Variants in GTF3C4 observed in about 807,000 individuals in gnomAD.
The protein encoded by GTF3C4 is general transcription factor IIIC subunit 4.
A neutral mutation model predicts 67.5 loss-of-function variants in GTF3C4; 28 were observed. That is an observed-to-expected ratio of 0.41 (90% CI 0.31 to 0.57). The LOEUF is 0.57. Among genes scored for constraint, GTF3C4 ranks in the 20% least tolerant of loss-of-function variants. GTF3C4 has a pLI of 0.21. For synonymous variants in GTF3C4, 409 were observed against 393.0 expected (o/e 1.04, Z -0.48); for missense variants, 831 against 1,033.2 (o/e 0.80, Z 2.68).
intron 2 of GTF3C4, among the ~76,000 whole-genome samples, chr9:132,682,441 C>T (rs1027704326): frequency 1.3e-5 from 2 of 150,982 alleles, no homozygotes; most frequent in African/African-American, 4.9e-5. Flanking sequence ...GAAATGGATT[C>T]GAAACTAGAA....
At position 132,692,563 on chromosome 9, in the gene GTF3C4, GCAGA is replaced by G. The variant is rs1325431268; in HGVS notation, c.*3621_*3624del. 6.6e-6 allele frequency: 1 copy of G among 152,176 alleles called. No homozygotes were observed. The highest frequency in any genetic ancestry group is 1.5e-5 in the Non-Finnish European group (1 of 68,040). 9.4% of individuals were successfully genotyped at this position (152,176 alleles called of 1,614,324 possible). A position where few individuals can be genotyped will look rare whatever the true frequency, so the allele number is the denominator to read the frequency against. On this transcript the variant is annotated 3_prime_UTR_variant, in exon 5 of 5. Transcript: ENST00000372146. The stretch of plus-strand genomic sequence containing the variant: ...CAAAGTAAGTACAGACGGCAAATAG[GCAGA>G]CAAATACAGGAATGTCTTTACAATT...
At chr9:132,681,463 A>C (rs1315904610) in intron 2 of GTF3C4, among the ~76,000 whole-genome samples, 3 of 152,190 alleles carry the variant, frequency 2.0e-5, no homozygotes, top group Non-Finnish European at 2.9e-5. Context: ...TAAACCTAGG[A>C]TGTTGGCTTA....
intron 4 of GTF3C4, among the ~76,000 whole-genome samples, chr9:132,687,857 A>G (rs560189259): frequency 6.6e-6 from 1 of 152,338 alleles, no homozygotes; most frequent in East Asian, 1.9e-4. Context: ...GGCAGGAATT[A>G]GTGATTTAAT....
intron 1 of GTF3C4, 139 bp from the exon 2 acceptor site, chr9:132,677,838 T>G: frequency 1.4e-6 from 1 of 695,728 alleles, no homozygotes; most frequent in Non-Finnish European, 2.4e-6. Context: ...AAGAATCAAG[T>G]ACATCTCTCT....
At position 132,679,812 on chromosome 9, in the gene GTF3C4, T is replaced by G; in HGVS notation, c.2184+9T>G. 6.4e-7 allele frequency: 1 copy of G among 1,553,594 alleles called. No individual in the cohort carries two copies. Among genetic ancestry groups the G allele is most frequent in the South Asian group, 1.2e-5 (1 of 82,808 alleles). ...ATGACAGAACTGCACGGGTAGGTGT[T>G]TATTAACAAAAACTCTGAAATTGTA... On this transcript the variant is annotated intron_variant, in intron 2 of 4. Transcript: ENST00000372146. This position sits in a 1 kb window ranked among gnomAD's most constrained non-coding sequence, Gnocchi z 5.9.
rs1835892724 is a variant in GTF3C4, at chr9:132,678,321, G to T, written c.702G>T (p.Gly234=). ...ATGAGGCCCCGGAAGGAAATCTCGG[G>T]GATTTTGCTGAGTTTCAGAGGAGAC... The part of the protein sequence containing the change: ...SKNEAPEGNL[G]DFAEFQRRHS... Residue 234 remains glycine (G), a synonymous_variant, in exon 2 of 5, where the codon GGG becomes GGT. Coordinates refer to ENST00000372146, the MANE Select transcript of GTF3C4 (RefSeq NM_012204.4). This position sits in a 1 kb window ranked among gnomAD's most constrained non-coding sequence, Gnocchi z 6.5. 3 of 1,614,044 alleles carry T rather than the reference G, an allele frequency of 1.9e-6. No homozygotes were observed. The Admixed American group carries it at 5.0e-5, about 27-fold the overall frequency.
intron 1 of GTF3C4, among the ~76,000 whole-genome samples, chr9:132,672,999 A>C (rs1181520731): frequency 2.0e-5 from 3 of 152,148 alleles, no homozygotes; most frequent in African/African-American, 7.2e-5. Context: ...CCTGGCTAAC[A>C]CAGTGAAACC....
Position 132,690,327 on chromosome 9 carries a change from T to TCATC in GTF3C4, c.*1384_*1385insTCCA, listed in dbSNP as rs1054294729. 1 of 152,012 alleles carries TCATC rather than the reference T, an allele frequency of 6.6e-6. No individual in the cohort carries two copies. Among genetic ancestry groups the TCATC allele is most frequent in the Non-Finnish European group, 1.5e-5 (1 of 68,028 alleles). The allele number at this position is 152,012 out of a possible 1,614,324, so 9.4% of individuals were successfully genotyped here. A position where few individuals can be genotyped will look rare whatever the true frequency, so the allele number is the denominator to read the frequency against. Reference sequence around the variant, plus strand: ...GGCATGGTGGCGCATGCCTGTAATCTCAGTTACTCAGGAGGCTGAGGCAGG... The same window carrying TCATC: ...GGCATGGTGGCGCATGCCTGTAATCTCATCCAGTTACTCAGGAGGCTGAGGCAGG... On this transcript the variant is annotated 3_prime_UTR_variant, in exon 5 of 5. Coordinates refer to ENST00000372146, the MANE Select transcript of GTF3C4 (RefSeq NM_012204.4).
At position 132,694,805 on chromosome 9, in the gene GTF3C4, T is replaced by C. The variant is rs1836172181; in HGVS notation, c.*5860T>C. On this transcript the variant is annotated 3_prime_UTR_variant, in exon 5 of 5. Coordinates refer to ENST00000372146, the MANE Select transcript of GTF3C4 (RefSeq NM_012204.4). ...CATGATTCTGGTACTTAGAGTCTAATAGAGTTGCTGTGAATATGTAGTGCT... is the reference window on the plus strand; with the variant it reads ...CATGATTCTGGTACTTAGAGTCTAACAGAGTTGCTGTGAATATGTAGTGCT... The C allele has an allele frequency of 6.6e-6, 1 of 152,234 alleles. No homozygotes were observed. The highest frequency in any genetic ancestry group is 1.5e-5 in the Non-Finnish European group (1 of 68,040). 9.4% of individuals were successfully genotyped at this position (152,234 alleles called of 1,614,324 possible). A position where few individuals can be genotyped will look rare whatever the true frequency, so the allele number is the denominator to read the frequency against.
chr9:132,683,815 G>C, intron 3 of GTF3C4, 122 bp downstream of exon 3: 1 of 939,102 alleles, frequency 1.1e-6, no homozygotes, highest in Non-Finnish European at 1.6e-6. Flanking sequence ...ATTTGTTGGA[G>C]AAAAGCTGCT....
In GTF3C4 at chr9:132,691,533, C is replaced by A. The variant is rs561260910; in HGVS notation, c.*2588C>A. 7.9e-5 allele frequency: 12 copies of A among 152,270 alleles called. No homozygotes were observed. In the South Asian group the frequency reaches 2.3e-3, roughly 29 times the overall value. 9.4% of individuals were successfully genotyped at this position (152,270 alleles called of 1,614,324 possible). A position where few individuals can be genotyped will look rare whatever the true frequency, so the allele number is the denominator to read the frequency against. ...GAGCAAAGATTCGATACAATTAGAC[C>A]CTTTAAGCTACAACGTGGTTGCATT... On this transcript the variant is annotated 3_prime_UTR_variant, in exon 5 of 5. Transcript: ENST00000372146.
rs1836144913 is a variant in GTF3C4 at position 132,693,203 on chromosome 9, G to A, written c.*4258G>A. ...CCATCTGCATAGATGGTTTAACATGGTGCTGTTTTTGAAAACTTGCTGTGG... is the reference window on the plus strand; with the variant it reads ...CCATCTGCATAGATGGTTTAACATGATGCTGTTTTTGAAAACTTGCTGTGG... On this transcript the variant is annotated 3_prime_UTR_variant, in exon 5 of 5. Transcript: ENST00000372146. 1 of 152,198 alleles carries A rather than the reference G, an allele frequency of 6.6e-6. No individual in the cohort carries two copies. Among genetic ancestry groups the A allele is most frequent in the Admixed American group, 6.5e-5 (1 of 15,280 alleles). 9.4% of individuals were successfully genotyped at this position (152,198 alleles called of 1,614,324 possible).
chr9:132,678,799 G>A lies in GTF3C4; in HGVS notation c.1180G>A (p.Ala394Thr). The A allele has an allele frequency of 6.2e-7, 1 of 1,614,170 alleles. No individual in the cohort carries two copies. The highest frequency in any genetic ancestry group is 8.5e-7 in the Non-Finnish European group (1 of 1,180,022). Residue 394 changes from alanine (A) to threonine (T), a missense_variant, in exon 2 of 5, where the codon GCA becomes ACA. By Grantham distance (58) the Ala-to-Thr change is moderately conservative. Transcript: ENST00000372146. The surrounding 1 kb of genome is among the most constrained non-coding windows in gnomAD (Gnocchi z 6.5). Reference sequence around the variant, plus strand: ...GTGTAGTTGCAGCTTAGTAGTGGCTGCAAGAGGCTCTTATGTATTTTGGTG... The same window carrying A: ...GTGTAGTTGCAGCTTAGTAGTGGCTACAAGAGGCTCTTATGTATTTTGGTG... ...QKCSCSLVVA[A>T]RGSYVFWCLL...
intron 1 of GTF3C4, among the ~76,000 whole-genome samples, chr9:132,672,899 G>A (rs1835806137): frequency 6.6e-6 from 1 of 152,152 alleles, no homozygotes; most frequent in Non-Finnish European, 1.5e-5. Flanking sequence ...AATATAATGA[G>A]TTGGGCCGGG....
chr9:132,685,684 T>C (rs143039046), intron 3 of GTF3C4, among the ~76,000 whole-genome samples: 1,736 of 152,296 alleles, frequency 0.011, 24 homozygotes, highest in Middle Eastern at 0.071. Flanking sequence ...GTGTTCAGAC[T>C]TTTTAAGAGA....
intron 1 of GTF3C4, among the ~76,000 whole-genome samples, chr9:132,674,848 A>G (rs1003025665): frequency 2.6e-5 from 4 of 152,320 alleles, no homozygotes; most frequent in Non-Finnish European, 5.9e-5. Flanking sequence ...TGGGCAACAG[A>G]GAGAGACCGC....
chr9:132,680,458 C>CA (rs1257013692), intron 2 of GTF3C4, among the ~76,000 whole-genome samples: 1 of 152,132 alleles, frequency 6.6e-6, no homozygotes, highest in Admixed American at 6.5e-5. Flanking sequence ...CGGTATTACT[C>CA]AGACTTCTTG....
intron 1 of GTF3C4, 63 bp downstream of exon 1, chr9:132,671,018 G>A: frequency 1.8e-6 from 2 of 1,131,768 alleles, no homozygotes; most frequent in South Asian, 2.5e-5. Context: ...CGCATCATCC[G>A]TCCCAGGGGA....
rs746664824 is a variant in GTF3C4, at chr9:132,670,565, C to T, written c.-34C>T. 7.3e-6 allele frequency: 10 copies of T among 1,367,432 alleles called. No individual in the cohort carries two copies. The East Asian group carries it at 1.1e-4, about 15-fold the overall frequency. 84.7% of individuals were successfully genotyped at this position (1,367,432 alleles called of 1,614,324 possible). On this transcript the variant is annotated 5_prime_UTR_variant, in exon 1 of 5. Transcript: ENST00000372146. Reference sequence around the variant, plus strand: ...GAGGTGGTCGCGCGACTGCGTGGAGCGCCAGGGCGTCCGACCTCTGCACCT... The same window carrying T: ...GAGGTGGTCGCGCGACTGCGTGGAGTGCCAGGGCGTCCGACCTCTGCACCT...
Sources: gnomAD v4.1 joint callset for allele counts (sites outside exome capture counted in the v4.1 genomes callset) on GRCh38, gnomAD v4.1.1 for gene constraint, Gnocchi (gnomAD v3.1) non-coding constraint, MANE v1.5 for transcripts, NCBI Gene and HGNC (gene_info 2026-07-23, HGNC 2026-07-21) for gene names.